Variants in MAP2K4 observed in about 807,000 individuals in gnomAD.
MAP2K4 encodes mitogen-activated protein kinase kinase 4.
In MAP2K4, 4 loss-of-function variants were observed where a neutral mutation model predicts 48.5. The ratio of observed to expected loss-of-function variants is 0.08; its 90% CI spans 0.04 to 0.19. The LOEUF is 0.19. Ranked by LOEUF, MAP2K4 falls within the 10% of genes least tolerant of loss-of-function variation. The probability of loss-of-function intolerance (pLI) is 1.00; values close to 1 mark genes in which losing one functional copy is unlikely to be tolerated. For missense variants in MAP2K4, 258 were observed against 493.3 expected, an observed-to-expected ratio of 0.52 and a Z score of 4.52; for synonymous variants, 166 against 173.1, an observed-to-expected ratio of 0.96 and a Z score of 0.32.
rs184553874 is a variant in MAP2K4 at position 12,114,872 on chromosome 17, G to A, written c.813+1512G>A. Among the ~76,000 whole-genome samples the A allele has an allele frequency of 8.5e-5, 13 of 152,330 alleles. No individual in the cohort carries two copies. In the East Asian group the frequency reaches 2.3e-3, roughly 27 times the overall value. ...GATATGCTTTGCAGGCCCAGGAGAT[G>A]TAAGACTTCTGTTTTCTTGCTGACC... On this transcript the variant is annotated intron_variant, in intron 7 of 10. Transcript: ENST00000353533.
chr17:12,052,017 T>A (rs1970156401), intron 1 of MAP2K4, among the ~76,000 whole-genome samples: 1 of 152,166 alleles, frequency 6.6e-6, no homozygotes, highest in African/African-American at 2.4e-5. Context: ...GAATCTCACC[T>A]TCGGTTGACA....
In MAP2K4 at chr17:12,044,990, G is replaced by C. The variant is rs186158207; in HGVS notation, c.116-9899G>C. Among the ~76,000 whole-genome samples, 304 of 152,296 alleles carry C rather than the reference G, an allele frequency of 2.0e-3. 2 individuals are homozygous for C. Among genetic ancestry groups the C allele is most frequent in the African/African-American group, 7.0e-3 (289 of 41,566 alleles). Reference sequence around the variant, plus strand: ...TTAAGGAGTTGTGTGCCAGGAAATGGGGACAAAACCAAAAATATATATTTC... The same window carrying C: ...TTAAGGAGTTGTGTGCCAGGAAATGCGGACAAAACCAAAAATATATATTTC... On this transcript the variant is annotated intron_variant, in intron 1 of 10. Transcript: ENST00000353533.
At chr17:12,097,542 G>A (rs1316929499) in intron 4 of MAP2K4, among the ~76,000 whole-genome samples, 1 of 152,180 alleles carries the variant, frequency 6.6e-6, no homozygotes, top group African/African-American at 2.4e-5. Context: ...CCATGGTTTT[G>A]TTATCATGGA....
chr17:12,078,978 G>C (rs1047526713), intron 2 of MAP2K4, among the ~76,000 whole-genome samples: 1 of 152,166 alleles, frequency 6.6e-6, no homozygotes, highest in African/African-American at 2.4e-5. Flanking sequence ...TGTCATAACT[G>C]TGGCATGTTT....
At chr17:12,133,502 C>G (rs1215012072) in intron 9 of MAP2K4, among the ~76,000 whole-genome samples, 1 of 152,174 alleles carries the variant, frequency 6.6e-6, no homozygotes, top group Non-Finnish European at 1.5e-5. Context: ...ATTTTTGTCT[C>G]TAGGGCCTGT....
chr17:12,043,800 C>T lies in MAP2K4; in HGVS notation c.116-11089C>T, dbSNP rs1170344555. ...TGATTCATTTACCAATCTGGAAGCT[C>T]CCCGAACCCTATTGTTAGGGGTTTT... On this transcript the variant is annotated intron_variant, in intron 1 of 10. Coordinates refer to ENST00000353533, the MANE Select transcript of MAP2K4 (RefSeq NM_003010.4). Among the ~76,000 whole-genome samples the T allele has an allele frequency of 3.3e-5, 5 of 152,150 alleles. No homozygotes were observed. The East Asian group carries it at 9.7e-4, about 29-fold the overall frequency.
At chr17:12,060,505 A>T (rs904017158) in intron 2 of MAP2K4, among the ~76,000 whole-genome samples, 2 of 152,216 alleles carry the variant, frequency 1.3e-5, no homozygotes, top group Non-Finnish European at 2.9e-5. Flanking sequence ...TCCCCAGAAT[A>T]GTCCCAGGAC....
chr17:12,091,562 A>AT (rs537858817), intron 3 of MAP2K4, among the ~76,000 whole-genome samples: 33 of 151,868 alleles, frequency 2.2e-4, no homozygotes, highest in Non-Finnish European at 4.1e-4. Context: ...GCTTTTTGGA[A>AT]TTTTTTTTTA....
chr17:12,078,525 A>G (rs1355681249), intron 2 of MAP2K4, among the ~76,000 whole-genome samples: 1 of 152,158 alleles, frequency 6.6e-6, no homozygotes, highest in African/African-American at 2.4e-5. Context: ...AAACAATCCA[A>G]TTGTACTAGG....
At chr17:12,030,056 C>T (rs1239016976) in intron 1 of MAP2K4, among the ~76,000 whole-genome samples, 1 of 152,076 alleles carries the variant, frequency 6.6e-6, no homozygotes, top group Non-Finnish European at 1.5e-5. Context: ...CCATCTTTCT[C>T]TTGTGCAAGA....
At chr17:12,023,132 AGTCTT>A (rs1315034652) in intron 1 of MAP2K4, among the ~76,000 whole-genome samples, 1 of 152,188 alleles carries the variant, frequency 6.6e-6, no homozygotes, top group Non-Finnish European at 1.5e-5. Context: ...TATTGTGTCT[AGTCTT>A]GATTGATTCA....
intron 8 of MAP2K4, among the ~76,000 whole-genome samples, chr17:12,126,473 C>T (rs1230129456): frequency 1.3e-5 from 2 of 152,220 alleles, no homozygotes. Flanking sequence ...GATCAAGGCA[C>T]TGACAGATTT....
At chr17:12,116,498 A>T (rs1972497781) in intron 7 of MAP2K4, among the ~76,000 whole-genome samples, 2 of 152,328 alleles carry the variant, frequency 1.3e-5, no homozygotes, top group Non-Finnish European at 2.9e-5. Context: ...AATTAAAAAA[A>T]ATTTTTTTTA....
intron 2 of MAP2K4, among the ~76,000 whole-genome samples, chr17:12,078,315 G>A (rs1340348752): frequency 1.3e-5 from 2 of 152,082 alleles, no homozygotes; most frequent in East Asian, 3.9e-4. Context: ...GGCAGGTAAG[G>A]GTGATCTGTA....
Position 12,085,288 on chromosome 17 carries a change from A to G in MAP2K4, c.393+3758A>G, listed in dbSNP as rs1192522965. On this transcript the variant is annotated intron_variant, in intron 3 of 10. Transcript: ENST00000353533. Reference sequence around the variant, plus strand: ...CTGAATTGTTGTGTGAAGGGTTAATACTGTAATAAAGCTGTCATCTCATTG... The same window carrying G: ...CTGAATTGTTGTGTGAAGGGTTAATGCTGTAATAAAGCTGTCATCTCATTG... Among the ~76,000 whole-genome samples, 3 of 152,244 alleles carry G rather than the reference A, an allele frequency of 2.0e-5. No homozygotes were observed. In the East Asian group the frequency reaches 5.8e-4, roughly 30 times the overall value.
chr17:12,065,908 G>A (rs1352223960), intron 2 of MAP2K4, among the ~76,000 whole-genome samples: 3 of 152,144 alleles, frequency 2.0e-5, no homozygotes, highest in Non-Finnish European at 4.4e-5. Flanking sequence ...ACAATACTGT[G>A]ATAAATTTTA....
At chr17:12,121,311 T>C in intron 7 of MAP2K4, among the ~76,000 whole-genome samples, 1 of 152,060 alleles carries the variant, frequency 6.6e-6, no homozygotes, top group East Asian at 1.9e-4. Flanking sequence ...TTTGAAAAAA[T>C]CCAAAATCGA....
intron 4 of MAP2K4, among the ~76,000 whole-genome samples, chr17:12,098,494 T>G (rs1387611715): frequency 1.3e-5 from 2 of 149,100 alleles, no homozygotes; most frequent in Non-Finnish European, 3.0e-5. Flanking sequence ...AAAAAAAAAG[T>G]ATGTGTGTAT....
At chr17:12,050,961 A>T (rs1291973552) in intron 1 of MAP2K4, among the ~76,000 whole-genome samples, 3 of 152,160 alleles carry the variant, frequency 2.0e-5, no homozygotes, top group African/African-American at 7.2e-5. Context: ...TGAGGAAGAC[A>T]CTGTGTGCCG....
Sources: gnomAD v4.1 joint callset for allele counts (sites outside exome capture counted in the v4.1 genomes callset) on GRCh38, gnomAD v4.1.1 for gene constraint, MANE v1.5 for transcripts, NCBI Gene and HGNC (gene_info 2026-07-23, HGNC 2026-07-21) for gene names.